ST8SIA6: variants seen among roughly 807,000 people sequenced by gnomAD.
The protein encoded by ST8SIA6 is ST8 alpha-N-acetyl-neuraminide alpha-2,8-sialyltransferase 6, also known as alpha-2,8-sialyltransferase 8F.
In ST8SIA6, 39 loss-of-function variants were observed where a neutral mutation model predicts 33.6. The observed-to-expected ratio is 1.16, with a 90% CI of 0.90 to 1.52. The LOEUF is 1.52. ST8SIA6 is among the 40% of genes most tolerant of loss of function. The pLI is 0.00. For synonymous variants in ST8SIA6, 172 were observed against 167.2 expected, an observed-to-expected ratio of 1.03 and a Z score of -0.22; for missense variants, 441 against 443.8, an observed-to-expected ratio of 0.99 and a Z score of 0.06.
chr10:17,418,993 CAA>C (rs910044275), intron 2 of ST8SIA6, among the ~76,000 whole-genome samples: 1,801 of 55,984 alleles, frequency 0.032, 13 homozygotes, highest in East Asian at 0.086. Context: ...GGCTCCATCT[CAA>C]AAAAAAAAAA....
intron 3 of ST8SIA6, among the ~76,000 whole-genome samples, chr10:17,364,852 A>G (rs542629437): frequency 6.6e-6 from 1 of 152,360 alleles, no homozygotes; most frequent in African/African-American, 2.4e-5. Context: ...TATAAAGCAC[A>G]GATCTCACCC....
At chr10:17,323,285 C>A in intron 6 of ST8SIA6, 128 bp from the exon 7 acceptor site, 2 of 490,046 alleles carry the variant, frequency 4.1e-6, no homozygotes, top group South Asian at 4.6e-5. Context: ...TTGGAGAAAT[C>A]ATTGCTATTG....
chr10:17,333,712 T>TAGATATATATATATAGATATATAG (rs1848401456), intron 4 of ST8SIA6, among the ~76,000 whole-genome samples: 1 of 38,192 alleles, frequency 2.6e-5, no homozygotes, highest in African/African-American at 9.9e-5. Flanking sequence ...TATATATATA[T>TAGATATATATATATAGATATATAG]ATATATTTTT....
chr10:17,334,898 C>T (rs1848456161), intron 4 of ST8SIA6, among the ~76,000 whole-genome samples: 1 of 152,156 alleles, frequency 6.6e-6, no homozygotes, highest in Non-Finnish European at 1.5e-5. Flanking sequence ...TTTAATTCTC[C>T]AATGATGTAG....
In ST8SIA6 at chr10:17,393,306, T is replaced by C. The variant is rs11254573; in HGVS notation, c.201-2686A>G. Among the ~76,000 whole-genome samples the C allele has an allele frequency of 5.9e-3, 905 of 152,312 alleles. 8 individuals carry two copies. Among genetic ancestry groups the C allele is most frequent in the African/African-American group, 0.021 (864 of 41,582 alleles). ...CATGGGACTTCTCAGCCTCCCCTAATTATGGGAGCTAATCCCTCGTAATAA... is the reference window on the plus strand; with the variant it reads ...CATGGGACTTCTCAGCCTCCCCTAACTATGGGAGCTAATCCCTCGTAATAA... On this transcript the variant is annotated intron_variant, in intron 2 of 7. Transcript: ENST00000377602.
rs1588858652 is a variant in ST8SIA6 at position 17,377,013 on chromosome 10, G to A, written c.290+13518C>T. ...CCATCATATCCCCTGTGACCTGCAG[G>A]TATACATTGAGATGGCCTGAAGCAA... On this transcript the variant is annotated intron_variant, in intron 3 of 7. Transcript: ENST00000377602. 2.0e-5 allele frequency among the ~76,000 whole-genome samples: 3 copies of A among 152,168 alleles called. No homozygotes were observed. In the South Asian group the frequency reaches 6.2e-4, roughly 32 times the overall value.
At chr10:17,342,420 C>T (rs1456325092) in intron 4 of ST8SIA6, among the ~76,000 whole-genome samples, 2 of 152,098 alleles carry the variant, frequency 1.3e-5, no homozygotes, top group African/African-American at 4.8e-5. Flanking sequence ...ACCCAGCGCA[C>T]AGAAGGCACT....
At chr10:17,451,491 G>T (rs1240083020) in intron 2 of ST8SIA6, among the ~76,000 whole-genome samples, 5 of 152,118 alleles carry the variant, frequency 3.3e-5, no homozygotes, top group Non-Finnish European at 5.9e-5. Context: ...TTTGGGTGAC[G>T]GTTGCACTAA....
At chr10:17,387,653 C>G (rs1351908385) in intron 3 of ST8SIA6, among the ~76,000 whole-genome samples, 1 of 152,102 alleles carries the variant, frequency 6.6e-6, no homozygotes, top group Non-Finnish European at 1.5e-5. Flanking sequence ...TCGATTAACC[C>G]AAATCAGAGA....
chr10:17,442,983 C>T (rs563791710), intron 2 of ST8SIA6, among the ~76,000 whole-genome samples: 58 of 152,278 alleles, frequency 3.8e-4, no homozygotes, highest in African/African-American at 1.2e-3. Context: ...GACAAGGCTT[C>T]GACTTCCCAG....
rs547160161 is a variant in ST8SIA6, at chr10:17,388,102, C to T, written c.290+2429G>A. Among the ~76,000 whole-genome samples the T allele has an allele frequency of 1.8e-4, 28 of 152,336 alleles. No individual in the cohort carries two copies. In the South Asian group the frequency reaches 5.2e-3, roughly 28 times the overall value. On this transcript the variant is annotated intron_variant, in intron 3 of 7. Coordinates refer to ENST00000377602, the MANE Select transcript of ST8SIA6 (RefSeq NM_001004470.3). ...CCCAGTCCTGTCTTCCCACACTGCA[C>T]ATGGCCCAGGATCGTAGGTGAGGTT...
At position 17,315,656 on chromosome 10, in the gene ST8SIA6, A is replaced by G. The variant is rs1337855484; in HGVS notation, c.*5222T>C. On this transcript the variant is annotated 3_prime_UTR_variant, in exon 8 of 8. Transcript: ENST00000377602. ...GACAGTAAGATTCCATTTATATAAA[A>G]TTCTAAAAAATGTAAACAGTCTATA... Among the ~76,000 whole-genome samples the G allele has an allele frequency of 1.3e-5, 2 of 152,078 alleles. No individual in the cohort carries two copies. Among genetic ancestry groups the G allele is most frequent in the Admixed American group, 6.6e-5 (1 of 15,240 alleles).
intron 4 of ST8SIA6, among the ~76,000 whole-genome samples, chr10:17,352,804 T>C (rs1470321607): frequency 1.3e-5 from 2 of 152,118 alleles, no homozygotes; most frequent in Non-Finnish European, 2.9e-5. Context: ...TTGCTTTTTC[T>C]AAATGCACAG....
intron 2 of ST8SIA6, among the ~76,000 whole-genome samples, chr10:17,407,727 G>T (rs7087335): frequency 6.6e-6 from 1 of 151,968 alleles, no homozygotes; most frequent in African/African-American, 2.4e-5. Context: ...GACAATGCCA[G>T]TCCCACTGGA....
intron 2 of ST8SIA6, among the ~76,000 whole-genome samples, chr10:17,447,577 GAAAT>G (rs950389958): frequency 2.0e-5 from 3 of 151,614 alleles, no homozygotes; most frequent in African/African-American, 7.3e-5. Flanking sequence ...GACCAAGAAA[GAAAT>G]AAAGAACAAA....
chr10:17,333,717 A>ATTTTTTTTT lies in ST8SIA6; in HGVS notation c.378-2174_378-2166dup, dbSNP rs71392102. Among the ~76,000 whole-genome samples, 38 of 33,756 alleles carry ATTTTTTTTT rather than the reference A, an allele frequency of 1.1e-3. 5 individuals carry two copies. Among genetic ancestry groups the ATTTTTTTTT allele is most frequent in the South Asian group, 9.7e-3 (5 of 518 alleles). The allele number at this position is 33,756 out of a possible 152,430, so 22.1% of individuals were successfully genotyped here. On this transcript the variant is annotated intron_variant, in intron 4 of 7. Coordinates refer to ENST00000377602, the MANE Select transcript of ST8SIA6 (RefSeq NM_001004470.3). ...TATATATATATATATATATATATAT[A>ATTTTTTTTT]TTTTTTTTTTTTTTTTTTTTTTTTG...
At chr10:17,374,071 CCACACACACACACACACACA>C (rs58234998) in intron 3 of ST8SIA6, among the ~76,000 whole-genome samples, 2 of 139,016 alleles carry the variant, frequency 1.4e-5, no homozygotes, top group Admixed American at 1.5e-4. Flanking sequence ...TCAACAACCA[CCACACACACACACACACACA>C]CACACACACA....
intron 2 of ST8SIA6, among the ~76,000 whole-genome samples, chr10:17,441,288 T>C (rs966687699): frequency 3.6e-5 from 5 of 137,614 alleles, no homozygotes; most frequent in Non-Finnish European, 6.0e-5. Context: ...TAGTGTAAGG[T>C]AAGCATCTAA....
chr10:17,383,498 A>T (rs904390207), intron 3 of ST8SIA6, among the ~76,000 whole-genome samples: 12 of 152,196 alleles, frequency 7.9e-5, no homozygotes, highest in African/African-American at 2.2e-4. Flanking sequence ...AATAATCATA[A>T]TTGTTATAAT....
Sources: allele counts gnomAD v4.1 joint callset (sites outside exome capture counted in the v4.1 genomes callset), GRCh38; gene constraint gnomAD v4.1.1; transcripts MANE v1.5; gene names NCBI Gene and HGNC (gene_info 2026-07-23, HGNC 2026-07-21).